ANKFN1: variants seen among roughly 807,000 people sequenced by gnomAD.
ANKFN1 encodes ankyrin repeat and fibronectin type-III domain-containing protein 1.
A neutral mutation model predicts 108.7 loss-of-function variants in ANKFN1; 74 were observed. The observed-to-expected ratio is 0.68, with a 90% CI of 0.56 to 0.83. The LOEUF (loss-of-function observed/expected upper bound fraction) is 0.83. ANKFN1 is among the 40% of genes least tolerant of loss of function. The pLI, the probability that ANKFN1 is intolerant of heterozygous loss-of-function variation, is 0.00. For synonymous variants in ANKFN1, 547 were observed against 516.2 expected (o/e 1.06, Z -0.81); for missense variants, 1,505 against 1,382.3 (o/e 1.09, Z -1.41).
intron 3 of ANKFN1, among the ~76,000 whole-genome samples, chr17:56,279,043 G>T (rs2044006174): frequency 6.6e-6 from 1 of 152,018 alleles, no homozygotes; most frequent in Non-Finnish European, 1.5e-5. Context: ...TTCTTCTTTA[G>T]TAAGATATGT....
chr17:56,140,513 T>G (rs1907855455), intron 4 of ANKFN1, among the ~76,000 whole-genome samples: 2 of 152,200 alleles, frequency 1.3e-5, no homozygotes, highest in Admixed American at 6.5e-5. Context: ...TCTTTCAAAT[T>G]CTAACCTGCC....
At chr17:56,302,137 G>C (rs1212865206) in intron 3 of ANKFN1, among the ~76,000 whole-genome samples, 2 of 152,096 alleles carry the variant, frequency 1.3e-5, no homozygotes, top group East Asian at 3.8e-4. Context: ...TACTTACTGG[G>C]GAGACCAAGT....
At chr17:56,499,727 T>C (rs2051309313) in intron 20 of ANKFN1, among the ~76,000 whole-genome samples, 1 of 152,128 alleles carries the variant, frequency 6.6e-6, no homozygotes, top group African/African-American at 2.4e-5. Flanking sequence ...CCCTTGAGTA[T>C]GAAGTCTAAC....
intron 14 of ANKFN1, among the ~76,000 whole-genome samples, chr17:56,459,081 C>T (rs2049812066): frequency 6.6e-6 from 1 of 152,260 alleles, no homozygotes; most frequent in African/African-American, 2.4e-5. Flanking sequence ...TAGCAAACAG[C>T]TGTTCATTTC....
At chr17:56,143,677 T>C (rs1294529546) in intron 4 of ANKFN1, among the ~76,000 whole-genome samples, 1 of 152,180 alleles carries the variant, frequency 6.6e-6, no homozygotes, top group Admixed American at 6.5e-5. Context: ...TTGGATGAGG[T>C]CATCCTGGGT....
intron 3 of ANKFN1, among the ~76,000 whole-genome samples, chr17:56,311,413 T>C (rs546799929): frequency 3.9e-5 from 6 of 152,234 alleles, no homozygotes; most frequent in African/African-American, 1.4e-4. Flanking sequence ...AATCCAAAAA[T>C]CCAAAATCCA....
intron 8 of ANKFN1, among the ~76,000 whole-genome samples, chr17:56,435,390 A>C (rs1416776643): frequency 1.3e-5 from 2 of 152,240 alleles, no homozygotes; most frequent in Admixed American, 1.3e-4. Context: ...AAGCAAGTAC[A>C]ATGTGTGAGA....
intron 3 of ANKFN1, among the ~76,000 whole-genome samples, chr17:56,321,277 C>T (rs929318221): frequency 6.6e-5 from 10 of 151,882 alleles, no homozygotes; most frequent in South Asian, 2.1e-4. Context: ...TAGCAGCTTT[C>T]GGTAAGTAGC....
rs1184036951 is a variant in ANKFN1 at position 56,513,516 on chromosome 17, GA to G, written c.*2252del. ...TTGTGAGATGAGATTCTAGGATTGT[GA>G]AAAACTAAGAATCCAAGGTATTTCC... On this transcript the variant is annotated 3_prime_UTR_variant, in exon 21 of 21. Coordinates refer to ENST00000682825, the MANE Select transcript of ANKFN1 (RefSeq NM_001370326.1). Among the ~76,000 whole-genome samples, 1 of 152,172 alleles carries G rather than the reference GA, an allele frequency of 6.6e-6. No homozygotes were observed. Among genetic ancestry groups the G allele is most frequent in the East Asian group, 1.9e-4 (1 of 5,186 alleles).
chr17:56,299,883 T>A (rs2044623895), intron 3 of ANKFN1, among the ~76,000 whole-genome samples: 1 of 152,242 alleles, frequency 6.6e-6, no homozygotes, highest in South Asian at 2.1e-4. Context: ...AATGAATGAA[T>A]GAATGCTATT....
intron 9 of ANKFN1, 95 bp downstream of exon 9, chr17:56,440,519 C>A: frequency 2.1e-6 from 2 of 947,376 alleles, no homozygotes; most frequent in Admixed American, 2.0e-5. Flanking sequence ...ACAGCCAACG[C>A]CCAGTCCTCT....
intron 1 of ANKFN1, among the ~76,000 whole-genome samples, chr17:56,189,446 AGGCGTGAGCCACCGCGCCC>A (rs1262361251): frequency 2.6e-5 from 4 of 151,870 alleles, no homozygotes; most frequent in African/African-American, 9.7e-5. Context: ...CTGGGATTAC[AGGCGTGAGCCACCGCGCCC>A]GGCCTGCCCT....
At chr17:56,112,291 G>A (rs905303626) in intron 4 of ANKFN1, among the ~76,000 whole-genome samples, 1 of 152,024 alleles carries the variant, frequency 6.6e-6, no homozygotes, top group African/African-American at 2.4e-5. Flanking sequence ...CTCCAGAATG[G>A]TGAGGAAGTT....
intron 3 of ANKFN1, among the ~76,000 whole-genome samples, chr17:56,297,462 C>T (rs1309995896): frequency 2.0e-5 from 3 of 152,092 alleles, no homozygotes; most frequent in Non-Finnish European, 4.4e-5. Flanking sequence ...TCTTTGGAAC[C>T]AAAGGTTTAT....
intron 3 of ANKFN1, 101 bp downstream of exon 3, chr17:56,228,058 A>C: frequency 1.0e-6 from 1 of 962,350 alleles, no homozygotes; most frequent in Admixed American, 2.7e-5. Context: ...GCATTTTTAA[A>C]GTCTAGCTCA....
At chr17:56,368,104 C>A (rs1186628159) in intron 6 of ANKFN1, 3 of 1,123,078 alleles carry the variant, frequency 2.7e-6, no homozygotes, top group South Asian at 1.8e-5. Context: ...TCTGTAACAC[C>A]AGATGTTAGT....
intron 19 of ANKFN1, among the ~76,000 whole-genome samples, chr17:56,495,745 C>T (rs898909611): frequency 1.3e-5 from 2 of 152,138 alleles, no homozygotes; most frequent in African/African-American, 4.8e-5. Context: ...TACTGTAATG[C>T]TTCAAATGCT....
chr17:56,180,312 A>G (rs7208317), intron 1 of ANKFN1, among the ~76,000 whole-genome samples: 47,771 of 152,064 alleles, frequency 0.31, 9,103 homozygotes, highest in East Asian at 0.51. Context: ...TAGGCGTGTC[A>G]GCGTGTCTGT....
At chr17:56,314,360 AG>A (rs1196114367) in intron 3 of ANKFN1, among the ~76,000 whole-genome samples, 1 of 152,198 alleles carries the variant, frequency 6.6e-6, no homozygotes, top group Admixed American at 6.5e-5. Context: ...AGTTCTCCAA[AG>A]GTATACCATT....
Sources: gnomAD v4.1 joint callset for allele counts (sites outside exome capture counted in the v4.1 genomes callset) on GRCh38, gnomAD v4.1.1 for gene constraint, MANE v1.5 for transcripts, NCBI Gene and HGNC (gene_info 2026-07-23, HGNC 2026-07-21) for gene names.